The following NUP153 variants were observed in gnomAD, a reference collection of about 807,000 sequenced individuals.
NUP153 encodes nucleoporin 153.
In NUP153, 27 loss-of-function variants were observed where a neutral mutation model predicts 134.6. The observed-to-expected ratio is 0.20, with a 90% CI of 0.15 to 0.28. The LOEUF (loss-of-function observed/expected upper bound fraction) is 0.28, where lower values mean the gene tolerates loss of function less well. Ranked by LOEUF, NUP153 falls within the 10% of genes least tolerant of loss-of-function variation. The pLI, the probability that NUP153 is intolerant of heterozygous loss-of-function variation, is 1.00. For synonymous variants in NUP153, 640 were observed against 623.5 expected (o/e 1.03, Z -0.40); for missense variants, 1,821 against 1,731.3 (o/e 1.05, Z -0.92).
intron 2 of NUP153, among the ~76,000 whole-genome samples, chr6:17,684,115 C>A (rs1250824038): frequency 6.6e-6 from 1 of 152,150 alleles, no homozygotes; most frequent in Non-Finnish European, 1.5e-5. Context: ...ACCTTGAGAC[C>A]ACACTAAAAG....
intron 1 of NUP153, among the ~76,000 whole-genome samples, chr6:17,701,555 G>C (rs1353415963): frequency 2.0e-5 from 3 of 150,934 alleles, no homozygotes; most frequent in Non-Finnish European, 3.0e-5. Context: ...CCAGCTACTC[G>C]GGAGGCTGAG....
intron 2 of NUP153, among the ~76,000 whole-genome samples, chr6:17,678,243 C>T (rs1359419962): frequency 6.6e-6 from 1 of 150,700 alleles, no homozygotes; most frequent in Non-Finnish European, 1.5e-5. Flanking sequence ...GTAATTCCAG[C>T]TACCTGGGAG....
intron 8 of NUP153, among the ~76,000 whole-genome samples, chr6:17,665,860 G>T (rs1410157422): frequency 1.3e-5 from 2 of 149,984 alleles, no homozygotes; most frequent in South Asian, 2.1e-4. Context: ...AATTTTTTTG[G>T]TTTTTTTTTG....
At chr6:17,704,682 A>G (rs1770358213) in intron 1 of NUP153, among the ~76,000 whole-genome samples, 1 of 151,624 alleles carries the variant, frequency 6.6e-6, no homozygotes, top group South Asian at 2.1e-4. Flanking sequence ...AATTTTTACT[A>G]CTCAAACATT....
At position 17,638,116 on chromosome 6, in the gene NUP153, G is replaced by A. The variant is rs1046726857; in HGVS notation, c.1847-346C>T. On this transcript the variant is annotated intron_variant, in intron 15 of 21. Transcript: ENST00000262077. The surrounding 1 kb of genome is among the most constrained non-coding windows in gnomAD (Gnocchi z 4.0). ...GTCTCTCTACAAACACACAATACTC[G>A]CAGTCCTCTTTCTCCTTCATCCATT... is the stretch of plus-strand genomic sequence containing the variant. Among the ~76,000 whole-genome samples, 17 of 152,080 alleles carry A rather than the reference G, an allele frequency of 1.1e-4. No homozygotes were observed. Among genetic ancestry groups the A allele is most frequent in the African/African-American group, 3.9e-4 (16 of 41,412 alleles).
chr6:17,706,342 T>A lies in NUP153; in HGVS notation c.46A>T (p.Ile16Phe). 2 of 1,613,500 alleles carry A rather than the reference T, an allele frequency of 1.2e-6. No individual in the cohort carries two copies. The highest frequency in any genetic ancestry group is 1.7e-6 in the Non-Finnish European group (2 of 1,179,740). Residue 16 changes from isoleucine to phenylalanine, a missense_variant, in exon 1 of 22, where the codon ATC becomes TTC. Transcript: ENST00000262077. This position sits in a 1 kb window ranked among gnomAD's most constrained non-coding sequence, Gnocchi z 5.9. ...GGVGGGGGGK[I>F]RTRRCHQGPI... is the part of the protein sequence containing the mutation. ...CCCTGGTGGCAACGCCGCGTCCGGATCTTGCCGCCACCGCCCCCTCCGACT... is the reference window on the plus strand; with the variant it reads ...CCCTGGTGGCAACGCCGCGTCCGGAACTTGCCGCCACCGCCCCCTCCGACT...
chr6:17,655,173 A>G (rs1766740426), intron 11 of NUP153, among the ~76,000 whole-genome samples: 1 of 152,210 alleles, frequency 6.6e-6, no homozygotes, highest in African/African-American at 2.4e-5. Flanking sequence ...GGACAGTAAA[A>G]GCAAAAGGCC....
Position 17,646,149 on chromosome 6 carries a change from T to C in NUP153, c.1638A>G (p.Gly546=). ...TTGCAACAGGCACACTAAATGTAAA[T>C]CCAATCTGTAAAGAGAAAGAATATC... ...EANVLPPSSI[G]FTFSVPVAKT... Residue 546 remains glycine (G), a synonymous_variant, in exon 14 of 22, where the codon GGA becomes GGG. Coordinates refer to ENST00000262077, the MANE Select transcript of NUP153 (RefSeq NM_005124.4). 6.4e-7 allele frequency: 1 copy of C among 1,564,966 alleles called. No homozygotes were observed. The highest frequency in any genetic ancestry group is 8.8e-7 in the Non-Finnish European group (1 of 1,136,002).
intron 9 of NUP153, among the ~76,000 whole-genome samples, chr6:17,664,829 G>A (rs1361337429): frequency 6.6e-6 from 1 of 151,966 alleles, no homozygotes; most frequent in Admixed American, 6.6e-5. Context: ...AAGGCAGGTG[G>A]GTCACTTGAG....
chr6:17,678,696 C>T (rs1768387930), intron 2 of NUP153, among the ~76,000 whole-genome samples: 1 of 152,172 alleles, frequency 6.6e-6, no homozygotes. Context: ...GTAGTCCCAA[C>T]ACTTTAGGAG....
chr6:17,624,727 G>C lies in NUP153; in HGVS notation c.4008C>G (p.Pro1336=). Reference sequence around the variant, plus strand: ...ATATAGATCCAAAGCCTGGGGGATTGGGCTGGCTGGCACCTTGACTTTGTC... The same window carrying C: ...ATATAGATCCAAAGCCTGGGGGATTCGGCTGGCTGGCACCTTGACTTTGTC... ...TFGQSQGASQ[P]NPPGFGSISS... is the part of the protein sequence containing the mutation. Residue 1336 remains proline, a synonymous_variant, in exon 20 of 22, where the codon CCC becomes CCG. Transcript: ENST00000262077. 6.2e-7 allele frequency: 1 copy of C among 1,614,142 alleles called. No individual in the cohort carries two copies. The highest frequency in any genetic ancestry group is 8.5e-7 in the Non-Finnish European group (1 of 1,180,020).
intron 5 of NUP153, among the ~76,000 whole-genome samples, chr6:17,672,310 G>A (rs1159486174): frequency 6.6e-6 from 1 of 152,138 alleles, no homozygotes; most frequent in Non-Finnish European, 1.5e-5. Context: ...AGGCCTGGTG[G>A]TTCATGCTTG....
At position 17,706,139 on chromosome 6, in the gene NUP153, G is replaced by A. The variant is rs977158286; in HGVS notation, c.111+138C>T. 2 of 686,376 alleles carry A rather than the reference G, an allele frequency of 2.9e-6. No homozygotes were observed. Among genetic ancestry groups the A allele is most frequent in the Non-Finnish European group, 5.0e-6 (2 of 402,198 alleles). The allele number at this position is 686,376 out of a possible 1,614,324, so 42.5% of individuals were successfully genotyped here. On this transcript the variant is annotated intron_variant, in intron 1 of 21. Coordinates refer to ENST00000262077, the MANE Select transcript of NUP153 (RefSeq NM_005124.4). This position sits in a 1 kb window ranked among gnomAD's most constrained non-coding sequence, Gnocchi z 5.9. ...CCCGTCGCCACCCCCAACGGCCTGA[G>A]CTCCCCCGGAGCCTCACTCGGGCCT...
chr6:17,654,545 T>C (rs1052461657), intron 11 of NUP153, among the ~76,000 whole-genome samples: 7 of 152,140 alleles, frequency 4.6e-5, no homozygotes, highest in East Asian at 1.9e-4. Context: ...TGGTCTCGAA[T>C]TCCTGACCTC....
chr6:17,700,223 T>C (rs957677734), intron 1 of NUP153, among the ~76,000 whole-genome samples: 3 of 151,730 alleles, frequency 2.0e-5, no homozygotes, highest in Admixed American at 1.3e-4. Context: ...CTATTTAATT[T>C]CAAATTTCAA....
intron 2 of NUP153, among the ~76,000 whole-genome samples, chr6:17,684,272 A>G (rs1387669497): frequency 6.6e-6 from 1 of 152,222 alleles, no homozygotes; most frequent in African/African-American, 2.4e-5. Context: ...GCTCTTAGCT[A>G]AATCTTCTGG....
chr6:17,665,620 T>A (rs181816756), intron 8 of NUP153, among the ~76,000 whole-genome samples: 15 of 152,160 alleles, frequency 9.9e-5, no homozygotes, highest in African/African-American at 3.1e-4. Flanking sequence ...TCACGGATAC[T>A]CTATATTTCA....
At chr6:17,630,752 G>A (rs1445386534) in intron 17 of NUP153, among the ~76,000 whole-genome samples, 1 of 146,148 alleles carries the variant, frequency 6.8e-6, no homozygotes, top group Admixed American at 6.8e-5. Context: ...AGGGGAGAAG[G>A]GAGGGGAGAG....
chr6:17,681,813 G>GC (rs1474592755), intron 2 of NUP153, among the ~76,000 whole-genome samples: 3 of 151,964 alleles, frequency 2.0e-5, no homozygotes, highest in African/African-American at 7.3e-5. Context: ...TCTCATCCCT[G>GC]CATCAGTTTC....
Sources: gnomAD v4.1 joint callset for allele counts (sites outside exome capture counted in the v4.1 genomes callset) on GRCh38, gnomAD v4.1.1 for gene constraint, Gnocchi (gnomAD v3.1) non-coding constraint, MANE v1.5 for transcripts, NCBI Gene and HGNC (gene_info 2026-07-23, HGNC 2026-07-21) for gene names.